Variants in NEK6 observed in about 807,000 individuals in gnomAD.
NEK6 encodes serine/threonine-protein kinase Nek6.
A neutral mutation model predicts 43.5 loss-of-function variants in NEK6; 27 were observed. That is an observed-to-expected ratio of 0.62 (90% CI 0.46 to 0.86). NEK6 has a LOEUF of 0.86. Among genes scored for constraint, NEK6 ranks in the 40% least tolerant of loss-of-function variants. The pLI is 0.00. For synonymous variants in NEK6, 167 were observed against 164.1 expected (o/e 1.02, Z -0.14); for missense variants, 318 against 414.4 (o/e 0.77, Z 2.02).
chr9:124,350,826 C>T lies in NEK6; in HGVS notation c.832-11C>T, dbSNP rs757650618. 1 of 1,597,818 alleles carries T rather than the reference C, an allele frequency of 6.3e-7. No individual in the cohort carries two copies. On this transcript the variant is annotated splice_polypyrimidine_tract_variant and intron_variant, in intron 9 of 9. Transcript: ENST00000320246. ...TTTCTTGAGAATAACACACCATTCT[C>T]TCCCCTGCAGTTACGAGAACTGGTC...
rs916916382 is a variant in NEK6 at position 124,326,125 on chromosome 9, G to C, written c.406-205G>C. Reference sequence around the variant, plus strand: ...GCTGGGTTGGGACAGGGTGGCTGCAGAGTGCCATTCAGGCAGAAGTAGAGG... The same window carrying C: ...GCTGGGTTGGGACAGGGTGGCTGCACAGTGCCATTCAGGCAGAAGTAGAGG... On this transcript the variant is annotated intron_variant, in intron 5 of 9. Coordinates refer to ENST00000320246, the MANE Select transcript of NEK6 (RefSeq NM_014397.6). The surrounding 1 kb of genome is among the most constrained non-coding windows in gnomAD (Gnocchi z 4.5). 2.0e-5 allele frequency among the ~76,000 whole-genome samples: 3 copies of C among 152,188 alleles called. No individual in the cohort carries two copies. The East Asian group carries it at 5.8e-4, about 29-fold the overall frequency.
chr9:124,332,830 C>T (rs1435957564), intron 7 of NEK6, among the ~76,000 whole-genome samples: 2 of 152,146 alleles, frequency 1.3e-5, no homozygotes, highest in African/African-American at 4.8e-5. Flanking sequence ...GGTTTGAAAT[C>T]GGGAGTTCTA....
intron 1 of NEK6, chr9:124,292,309 G>A: frequency 7.2e-7 from 1 of 1,394,448 alleles, no homozygotes; most frequent in Non-Finnish European, 9.4e-7. Flanking sequence ...CCACTAGCCT[G>A]GGACAGGGGT....
chr9:124,274,330 G>T (rs1363423054), intron 1 of NEK6, among the ~76,000 whole-genome samples: 2 of 152,258 alleles, frequency 1.3e-5, no homozygotes, highest in Admixed American at 6.5e-5. Context: ...GACTTCAGAA[G>T]AAGGGAAGGA....
At chr9:124,337,779 A>G (rs756786166) in intron 7 of NEK6, among the ~76,000 whole-genome samples, 9 of 152,364 alleles carry the variant, frequency 5.9e-5, no homozygotes, top group Admixed American at 2.0e-4. Context: ...TTGCTGGGCT[A>G]TAGTGTTGGC....
intron 1 of NEK6, chr9:124,292,526 G>A (rs1009087383): frequency 1.0e-5 from 16 of 1,536,908 alleles, no homozygotes; most frequent in African/African-American, 5.5e-5. Flanking sequence ...CTAGATGCTC[G>A]CCTGGGACCC....
intron 1 of NEK6, among the ~76,000 whole-genome samples, chr9:124,262,683 G>A (rs950603736): frequency 1.3e-5 from 2 of 152,254 alleles, no homozygotes; most frequent in African/African-American, 4.8e-5. Flanking sequence ...AAGATGGGGT[G>A]GCCGAGATCT....
chr9:124,310,542 C>G (rs1431563016), intron 2 of NEK6, among the ~76,000 whole-genome samples: 1 of 152,226 alleles, frequency 6.6e-6, no homozygotes, highest in Non-Finnish European at 1.5e-5. Flanking sequence ...GCCTGGACTC[C>G]CATCACTCAC....
At chr9:124,268,853 C>T (rs1201506099) in intron 1 of NEK6, among the ~76,000 whole-genome samples, 3 of 152,212 alleles carry the variant, frequency 2.0e-5, no homozygotes, top group Non-Finnish European at 2.9e-5. Flanking sequence ...AACTGCAGCA[C>T]ATCAGTGCTA....
rs1830231777 is a variant in NEK6 at position 124,350,827 on chromosome 9, TC to T, written c.832-6del. On this transcript the variant is annotated splice_polypyrimidine_tract_variant and intron_variant, in intron 9 of 9. Coordinates refer to ENST00000320246, the MANE Select transcript of NEK6 (RefSeq NM_014397.6). ...TTCTTGAGAATAACACACCATTCTCTCCCCTGCAGTTACGAGAACTGGTCAG... is the reference window on the plus strand; with the variant it reads ...TTCTTGAGAATAACACACCATTCTCTCCCTGCAGTTACGAGAACTGGTCAG... 1.3e-6 allele frequency: 2 copies of T among 1,596,986 alleles called. No individual in the cohort carries two copies. Among genetic ancestry groups the T allele is most frequent in the African/African-American group, 1.3e-5 (1 of 74,586 alleles).
At chr9:124,339,316 C>T (rs900159606) in intron 7 of NEK6, among the ~76,000 whole-genome samples, 7 of 152,092 alleles carry the variant, frequency 4.6e-5, no homozygotes, top group African/African-American at 7.2e-5. Flanking sequence ...TTCTTGGTCT[C>T]GGTGGGTCCA....
At chr9:124,278,718 A>T (rs571156552) in intron 1 of NEK6, among the ~76,000 whole-genome samples, 2 of 152,308 alleles carry the variant, frequency 1.3e-5, no homozygotes, top group Non-Finnish European at 2.9e-5. Context: ...GACTTCATGT[A>T]TGTTGGTTGA....
intron 8 of NEK6, among the ~76,000 whole-genome samples, chr9:124,344,209 G>A (rs573333938): frequency 5.9e-5 from 9 of 152,238 alleles, no homozygotes; most frequent in Non-Finnish European, 1.2e-4. Flanking sequence ...GGGCCCACCT[G>A]GATAATGCCC....
chr9:124,349,376 T>C (rs1830128536), intron 9 of NEK6, among the ~76,000 whole-genome samples: 3 of 152,230 alleles, frequency 2.0e-5, no homozygotes, highest in South Asian at 2.1e-4. Context: ...GTGCTTTGGC[T>C]GTCAGTCTAG....
intron 1 of NEK6, chr9:124,265,639 G>C (rs1831201140): frequency 6.6e-6 from 1 of 152,246 alleles, no homozygotes; most frequent in South Asian, 2.1e-4. Context: ...CATGCAGCCT[G>C]CTGCTCTGTA....
In NEK6 at chr9:124,331,275, A is replaced by AAAAAC. The variant is rs540083053; in HGVS notation, c.622+3833_622+3834insACAAA. On this transcript the variant is annotated intron_variant, in intron 7 of 9. Coordinates refer to ENST00000320246, the MANE Select transcript of NEK6 (RefSeq NM_014397.6). ...ACTCTGTCTCAAAAAAAAAAAAAAC[A>AAAAAC]AAACATTTTGCTCATTTTGCTTTTT... is the stretch of plus-strand genomic sequence containing the variant. 5.2e-4 allele frequency among the ~76,000 whole-genome samples: 76 copies of AAAAAC among 145,726 alleles called. 2 individuals carry two copies. The South Asian group carries it at 0.011, about 20-fold the overall frequency.
chr9:124,350,050 G>A (rs1049299049), intron 9 of NEK6, among the ~76,000 whole-genome samples: 1 of 152,216 alleles, frequency 6.6e-6, no homozygotes, highest in African/African-American at 2.4e-5. Context: ...CAGTCCCTGA[G>A]TGAGTGTGGC....
At chr9:124,302,855 C>A (rs1442973617) in intron 2 of NEK6, among the ~76,000 whole-genome samples, 3 of 152,244 alleles carry the variant, frequency 2.0e-5, no homozygotes, top group African/African-American at 7.2e-5. Flanking sequence ...GGAGAGCTCC[C>A]CTGGAGCAGG....
At chr9:124,297,740 C>T (rs1474848727) in intron 1 of NEK6, among the ~76,000 whole-genome samples, 1 of 152,248 alleles carries the variant, frequency 6.6e-6, no homozygotes, top group African/African-American at 2.4e-5. Context: ...TGTTCTGCAA[C>T]TTGGCAGGAG....
Sources: gnomAD v4.1 joint callset for allele counts (sites outside exome capture counted in the v4.1 genomes callset) on GRCh38, gnomAD v4.1.1 for gene constraint, Gnocchi (gnomAD v3.1) non-coding constraint, MANE v1.5 for transcripts, NCBI Gene and HGNC (gene_info 2026-07-23, HGNC 2026-07-21) for gene names.